SLC14A2: variants seen among roughly 807,000 people sequenced by gnomAD.
The protein encoded by SLC14A2 is urea transporter 2.
SLC14A2 carries 91 observed loss-of-function variants against 104.6 expected under a neutral mutation model. That is an observed-to-expected ratio of 0.87 (90% CI 0.73 to 1.04). The LOEUF (loss-of-function observed/expected upper bound fraction) is 1.04. Among genes scored for constraint, SLC14A2 ranks in the 50% least tolerant of loss-of-function variants. The pLI is 0.00. For missense variants in SLC14A2, 1,189 were observed against 1,156.0 expected (o/e 1.03, Z -0.41); for synonymous variants, 476 against 466.4 (o/e 1.02, Z -0.27).
chr18:45,661,049 A>ATT (rs1469787968), intron 10 of SLC14A2, among the ~76,000 whole-genome samples: 12 of 152,190 alleles, frequency 7.9e-5, no homozygotes, highest in East Asian at 7.7e-4. Context: ...TCTGTTTTTG[A>ATT]TTTTTGCAGC....
chr18:45,301,667 G>A (rs977534044), intron 1 of SLC14A2, among the ~76,000 whole-genome samples: 2 of 152,232 alleles, frequency 1.3e-5, no homozygotes, highest in African/African-American at 4.8e-5. Flanking sequence ...TGGCTTGTGT[G>A]TATGGTGAAG....
the SLC14A2 span, among the ~76,000 whole-genome samples, chr18:45,198,743 T>C: frequency 6.6e-6 from 1 of 152,274 alleles, no homozygotes; most frequent in East Asian, 1.9e-4. Flanking sequence ...ACTAATTTTT[T>C]TAACAAAATG....
chr18:45,305,433 A>G (rs2085009610), intron 1 of SLC14A2, among the ~76,000 whole-genome samples: 2 of 152,192 alleles, frequency 1.3e-5, no homozygotes, highest in South Asian at 4.1e-4. Context: ...CTACTCCAGG[A>G]TCCTGGACAG....
At chr18:45,594,991 C>T (rs1033886390) in intron 2 of SLC14A2, among the ~76,000 whole-genome samples, 26 of 152,134 alleles carry the variant, frequency 1.7e-4, no homozygotes, top group Non-Finnish European at 2.2e-4. Context: ...CTTCCTTCTC[C>T]GGAATGTAAT....
chr18:45,647,372 T>C (rs959221830), intron 10 of SLC14A2: 15 of 152,266 alleles, frequency 9.9e-5, no homozygotes, highest in Admixed American at 5.2e-4. Flanking sequence ...CCTTCTCATT[T>C]CTACTCTTAC....
intron 10 of SLC14A2, among the ~76,000 whole-genome samples, chr18:45,651,675 C>T (rs2045739811): frequency 6.6e-6 from 1 of 152,158 alleles, no homozygotes; most frequent in Non-Finnish European, 1.5e-5. Flanking sequence ...ACTGCGGCCT[C>T]TCTTTTCCAA....
intron 2 of SLC14A2, among the ~76,000 whole-genome samples, chr18:45,500,576 CAAA>C (rs34543837): frequency 3.2e-5 from 3 of 93,900 alleles, no homozygotes; most frequent in African/African-American, 4.8e-5. Context: ...GACTCCGTCT[CAAA>C]AAAAAAAAAA....
intron 2 of SLC14A2, among the ~76,000 whole-genome samples, chr18:45,535,836 CT>C (rs1448308359): frequency 2.0e-5 from 3 of 152,316 alleles, no homozygotes; most frequent in Middle Eastern, 3.4e-3. Context: ...TCCCCTAGCC[CT>C]AGTGCCTCTC....
intron 1 of SLC14A2, among the ~76,000 whole-genome samples, chr18:45,417,545 A>G (rs1164738375): frequency 6.6e-6 from 1 of 152,208 alleles, no homozygotes; most frequent in Non-Finnish European, 1.5e-5. Flanking sequence ...TTATAAAGCC[A>G]TCAGATCTTC....
chr18:45,629,995 A>G (rs1220131971), intron 4 of SLC14A2, among the ~76,000 whole-genome samples: 2 of 152,174 alleles, frequency 1.3e-5, no homozygotes, highest in East Asian at 3.9e-4. Flanking sequence ...TTCCTCCCCC[A>G]GGGAGCCACT....
chr18:45,634,605 GAAGA>G (rs1205505092), intron 5 of SLC14A2, among the ~76,000 whole-genome samples: 1 of 152,234 alleles, frequency 6.6e-6, no homozygotes, highest in Non-Finnish European at 1.5e-5. Flanking sequence ...TGTATTCTAA[GAAGA>G]GAGACAAGAC....
intron 1 of SLC14A2, among the ~76,000 whole-genome samples, chr18:45,384,669 C>T (rs1005320087): frequency 6.6e-6 from 1 of 152,104 alleles, no homozygotes; most frequent in Non-Finnish European, 1.5e-5. Context: ...CCCCCGACAA[C>T]CCCCAGCTGT....
At chr18:45,267,810 T>A (rs138548287) in intron 1 of SLC14A2, among the ~76,000 whole-genome samples, 1 of 152,226 alleles carries the variant, frequency 6.6e-6, no homozygotes, top group East Asian at 1.9e-4. Context: ...CAAAGGTGTT[T>A]CCCAATGACT....
chr18:45,309,814 A>T (rs928327678), intron 1 of SLC14A2, among the ~76,000 whole-genome samples: 3 of 152,206 alleles, frequency 2.0e-5, no homozygotes, highest in Non-Finnish European at 2.9e-5. Flanking sequence ...ATCAGCTTGC[A>T]TATCCTTGTA....
chr18:45,455,334 T>C (rs1426764495), intron 1 of SLC14A2, among the ~76,000 whole-genome samples: 4 of 152,198 alleles, frequency 2.6e-5, no homozygotes, highest in Admixed American at 6.5e-5. Context: ...GATGAGTTCA[T>C]GTCCTTCACA....
At chr18:45,606,351 G>A (rs749503950) in intron 2 of SLC14A2, among the ~76,000 whole-genome samples, 3 of 152,126 alleles carry the variant, frequency 2.0e-5, no homozygotes, top group Non-Finnish European at 4.4e-5. Context: ...AGCAGAAAAA[G>A]ATTTAATAGA....
chr18:45,657,290 C>T (rs976025095), intron 10 of SLC14A2, among the ~76,000 whole-genome samples: 4 of 151,284 alleles, frequency 2.6e-5, no homozygotes, highest in East Asian at 1.9e-4. Flanking sequence ...TAGCTAACAC[C>T]GTGAAACCCC....
chr18:45,188,056 C>T, the SLC14A2 span, among the ~76,000 whole-genome samples: 10 of 151,986 alleles, frequency 6.6e-5, 1 homozygote, highest in South Asian at 4.2e-4. Flanking sequence ...TCAAATTTCC[C>T]GGTTGGGAGG....
intron 1 of SLC14A2, among the ~76,000 whole-genome samples, chr18:45,411,199 CTA>C (rs921862542): frequency 6.6e-6 from 1 of 152,034 alleles, no homozygotes; most frequent in Non-Finnish European, 1.5e-5. Flanking sequence ...ACTCTGTGTG[CTA>C]TGTGTGTGTG....
Sources: allele counts gnomAD v4.1 joint callset (sites outside exome capture counted in the v4.1 genomes callset), GRCh38; gene constraint gnomAD v4.1.1; transcripts MANE v1.5; gene names NCBI Gene and HGNC (gene_info 2026-07-23, HGNC 2026-07-21).